The following DOCK3 variants were observed in gnomAD, a reference collection of about 807,000 sequenced individuals.
The protein encoded by DOCK3 is dedicator of cytokinesis protein 3.
Under a neutral mutation model 265.6 loss-of-function variants are expected in DOCK3, and 60 were observed. The observed-to-expected ratio is 0.23, with a 90% confidence interval of 0.18 to 0.28. The LOEUF (loss-of-function observed/expected upper bound fraction) is 0.28. DOCK3 is among the 10% of genes least tolerant of loss of function. DOCK3 has a pLI of 1.00. For missense variants in DOCK3, 1,981 were observed against 2,594.3 expected, an observed-to-expected ratio of 0.76 and a Z score of 5.14; for synonymous variants, 881 against 938.0, an observed-to-expected ratio of 0.94 and a Z score of 1.11.
At chr3:51,078,840 T>C (rs1387526926) in intron 7 of DOCK3, among the ~76,000 whole-genome samples, 1 of 152,190 alleles carries the variant, frequency 6.6e-6, no homozygotes, top group East Asian at 1.9e-4. Flanking sequence ...TCAAAAGGTC[T>C]ACTGTGTGTT....
intron 12 of DOCK3, among the ~76,000 whole-genome samples, chr3:51,175,016 C>T (rs1219817993): frequency 1.3e-5 from 2 of 152,190 alleles, no homozygotes; most frequent in Non-Finnish European, 1.5e-5. Flanking sequence ...TACAGATGTA[C>T]AGACTGTTGT....
At chr3:50,700,920 A>G (rs2035997016) in intron 1 of DOCK3, among the ~76,000 whole-genome samples, 1 of 152,172 alleles carries the variant, frequency 6.6e-6, no homozygotes, top group Non-Finnish European at 1.5e-5. Flanking sequence ...AACTGTGTAT[A>G]AGAGTTCCCT....
chr3:50,966,742 G>C (rs2108433375), intron 5 of DOCK3, among the ~76,000 whole-genome samples: 1 of 152,194 alleles, frequency 6.6e-6, no homozygotes, highest in South Asian at 2.1e-4. Context: ...GCATTATGCT[G>C]ATTGGGTGTC....
rs144168849 is a variant in DOCK3 at position 51,085,899 on chromosome 3, A to T, written c.550-3344A>T. Reference sequence around the variant, plus strand: ...AAAAAGTTGGTTTTCTGAAAAGATAAAATCGATAAACCACTAGACTAATCG... The same window carrying T: ...AAAAAGTTGGTTTTCTGAAAAGATATAATCGATAAACCACTAGACTAATCG... On this transcript the variant is annotated intron_variant, in intron 7 of 52. Transcript: ENST00000266037. 3.9e-3 allele frequency among the ~76,000 whole-genome samples: 593 copies of T among 152,354 alleles called. 1 individual carries two copies. Among genetic ancestry groups the T allele is most frequent in the Non-Finnish European group, 6.1e-3 (417 of 68,040 alleles).
chr3:51,280,977 T>C (rs1385573592), intron 27 of DOCK3, among the ~76,000 whole-genome samples: 1 of 152,180 alleles, frequency 6.6e-6, no homozygotes, highest in Non-Finnish European at 1.5e-5. Flanking sequence ...TATTTTCCTC[T>C]TTCTATGGAA....
At chr3:50,856,708 G>C (rs1180903530) in intron 3 of DOCK3, among the ~76,000 whole-genome samples, 1 of 151,934 alleles carries the variant, frequency 6.6e-6, no homozygotes, top group Non-Finnish European at 1.5e-5. Context: ...CTTTAGCTAG[G>C]AATTCCAGTA....
chr3:51,237,713 A>T, intron 21 of DOCK3, 123 bp downstream of exon 21: 4 of 840,684 alleles, frequency 4.8e-6, no homozygotes, highest in African/African-American at 1.7e-5. Context: ...TTATATTTTT[A>T]ATTGTGATAA....
intron 12 of DOCK3, among the ~76,000 whole-genome samples, chr3:51,189,377 G>T (rs988256503): frequency 1.3e-5 from 2 of 151,988 alleles, no homozygotes; most frequent in Non-Finnish European, 2.9e-5. Flanking sequence ...AGTGTACATT[G>T]TATCCAATGT....
At chr3:51,076,605 A>T (rs2082065613) in intron 7 of DOCK3, among the ~76,000 whole-genome samples, 1 of 152,164 alleles carries the variant, frequency 6.6e-6, no homozygotes, top group Non-Finnish European at 1.5e-5. Context: ...TAGAGAATTG[A>T]TGGATAGTTT....
At chr3:51,040,905 A>G (rs1207394135) in intron 5 of DOCK3, among the ~76,000 whole-genome samples, 1 of 151,808 alleles carries the variant, frequency 6.6e-6, no homozygotes, top group African/African-American at 2.4e-5. Context: ...TCCACTTCTA[A>G]TTATAGTTTT....
chr3:50,782,286 G>GTT (rs1344110347), intron 2 of DOCK3, among the ~76,000 whole-genome samples: 15 of 44,800 alleles, frequency 3.3e-4, no homozygotes, highest in African/African-American at 3.8e-4. Flanking sequence ...ACCAGTACCT[G>GTT]TTATTTTTTT....
At chr3:51,329,460 G>A (rs1560446556) in intron 32 of DOCK3, among the ~76,000 whole-genome samples, 1 of 152,194 alleles carries the variant, frequency 6.6e-6, no homozygotes, top group Non-Finnish European at 1.5e-5. Flanking sequence ...AAGTGACTGA[G>A]TACTGCTGAA....
rs2086723139 is a variant in DOCK3 at position 51,361,442 on chromosome 3, C to T, written c.5007-417C>T. Among the ~76,000 whole-genome samples, 1 of 151,934 alleles carries T rather than the reference C, an allele frequency of 6.6e-6. No homozygotes were observed. Among genetic ancestry groups the T allele is most frequent in the Non-Finnish European group, 1.5e-5 (1 of 67,956 alleles). On this transcript the variant is annotated intron_variant, in intron 47 of 52. Transcript: ENST00000266037. The surrounding 1 kb of genome is among the most constrained non-coding windows in gnomAD (Gnocchi z 4.2). ...GGTAGCTTCCCACACTAGGAAGAAG[C>T]CTCTGACCAAGAAGCAGATCCCATC...
At chr3:51,327,878 C>T (rs1410424785) in intron 32 of DOCK3, among the ~76,000 whole-genome samples, 1 of 152,014 alleles carries the variant, frequency 6.6e-6, no homozygotes. Flanking sequence ...GATGGAGTTT[C>T]ACCATGTTGG....
chr3:51,362,626 C>T lies in DOCK3; in HGVS notation c.5245C>T (p.His1749Tyr), dbSNP rs1206995181. The T allele has an allele frequency of 6.2e-7, 1 of 1,613,852 alleles. No homozygotes were observed. Among genetic ancestry groups the T allele is most frequent in the Non-Finnish European group, 8.5e-7 (1 of 1,179,886 alleles). The change falls in exon 49 of 53, where the codon CAC becomes TAC. Residue 1749 changes from histidine to tyrosine, a missense_variant. Coordinates refer to ENST00000266037, the MANE Select transcript of DOCK3 (RefSeq NM_004947.5). Reference protein sequence around the residue: ...SPSSSSLSSTHSAPSQMITSA... With the variant: ...SPSSSSLSSTYSAPSQMITSA... ...TTCTTCCTCCAGCCTGAGTTCCACT[C>T]ACTCAGCACCATCCCAGATGATTAC...
intron 5 of DOCK3, among the ~76,000 whole-genome samples, chr3:51,008,171 G>T (rs1343298744): frequency 6.6e-6 from 1 of 152,164 alleles, no homozygotes; most frequent in Admixed American, 6.5e-5. Context: ...AAAGTCATTG[G>T]TAGCTTGATG....
At chr3:51,202,136 T>C (rs2088823948) in intron 12 of DOCK3, among the ~76,000 whole-genome samples, 1 of 125,174 alleles carries the variant, frequency 8.0e-6, no homozygotes, top group Non-Finnish European at 1.7e-5. Context: ...AGCAAACACA[T>C]TCAAAAGCTA....
chr3:50,915,205 C>T (rs911791741), intron 4 of DOCK3, among the ~76,000 whole-genome samples: 2 of 152,004 alleles, frequency 1.3e-5, no homozygotes, highest in African/African-American at 4.8e-5. Flanking sequence ...GATACAGCTG[C>T]AGTTTGGCAT....
At chr3:50,983,339 C>G (rs2077769587) in intron 5 of DOCK3, among the ~76,000 whole-genome samples, 1 of 152,100 alleles carries the variant, frequency 6.6e-6, no homozygotes, top group South Asian at 2.1e-4. Flanking sequence ...TAGGGAGGAC[C>G]TGAAGGCTGG....
Sources: gnomAD v4.1 joint callset for allele counts (sites outside exome capture counted in the v4.1 genomes callset) on GRCh38, gnomAD v4.1.1 for gene constraint, Gnocchi (gnomAD v3.1) non-coding constraint, MANE v1.5 for transcripts, NCBI Gene and HGNC (gene_info 2026-07-23, HGNC 2026-07-21) for gene names.